The following CEP70 variants were observed in gnomAD, a reference collection of about 807,000 sequenced individuals.
The protein encoded by CEP70 is centrosomal protein of 70 kDa.
CEP70 carries 70 observed loss-of-function variants against 90.9 expected under a neutral mutation model. The ratio of observed to expected loss-of-function variants is 0.77; its 90% CI spans 0.64 to 0.94. CEP70 has a LOEUF of 0.94. Ranked by LOEUF, CEP70 falls within the 40% of genes least tolerant of loss-of-function variation. CEP70 has a pLI of 0.00. For synonymous variants in CEP70, 220 were observed against 228.3 expected (o/e 0.96, Z 0.33); for missense variants, 648 against 669.0 (o/e 0.97, Z 0.35).
intron 11 of CEP70, among the ~76,000 whole-genome samples, chr3:138,509,680 A>C (rs1171601231): frequency 2.0e-5 from 3 of 152,034 alleles, no homozygotes; most frequent in Non-Finnish European, 4.4e-5. Flanking sequence ...GTAATAAATA[A>C]GTTTTTTTAT....
chr3:138,521,046 G>A (rs571769070), intron 11 of CEP70, among the ~76,000 whole-genome samples: 95 of 152,318 alleles, frequency 6.2e-4, no homozygotes, highest in African/African-American at 2.0e-3. Context: ...CTGACCTCGA[G>A]TGATCTGCCT....
At chr3:138,533,017 C>T (rs1436038900) in intron 7 of CEP70, among the ~76,000 whole-genome samples, 4 of 152,138 alleles carry the variant, frequency 2.6e-5, no homozygotes, top group Non-Finnish European at 5.9e-5. Context: ...TGCAGTGGCT[C>T]AAGCCTGTAA....
chr3:138,505,749 G>A (rs1463606597), intron 12 of CEP70, among the ~76,000 whole-genome samples: 1 of 152,118 alleles, frequency 6.6e-6, no homozygotes, highest in Non-Finnish European at 1.5e-5. Flanking sequence ...TGAGTCTGAA[G>A]GCAAGAAAAA....
chr3:138,550,456 C>G (rs1009575955), intron 6 of CEP70, among the ~76,000 whole-genome samples: 36 of 152,126 alleles, frequency 2.4e-4, no homozygotes, highest in Non-Finnish European at 5.0e-4. Context: ...CTCCGCCTCC[C>G]AGGTTCAAGC....
At chr3:138,525,854 C>G (rs2037178075) in intron 10 of CEP70, among the ~76,000 whole-genome samples, 1 of 152,092 alleles carries the variant, frequency 6.6e-6, no homozygotes, top group South Asian at 2.1e-4. Context: ...TATAACAAAT[C>G]CTGGTGTATC....
chr3:138,572,714 T>A, intron 3 of CEP70, 145 bp downstream of exon 3: 1 of 674,310 alleles, frequency 1.5e-6, no homozygotes, highest in South Asian at 1.7e-5. Flanking sequence ...CTTAGAGTAA[T>A]TAAACCATTT....
chr3:138,518,946 C>T (rs530460083), intron 11 of CEP70, among the ~76,000 whole-genome samples: 7 of 152,152 alleles, frequency 4.6e-5, no homozygotes, highest in Admixed American at 2.0e-4. Context: ...AAAAATTAGA[C>T]GAATGACTAA....
At position 138,564,377 on chromosome 3, in the gene CEP70, T is replaced by C. The variant is rs368796294; in HGVS notation, c.465+5941A>G. Among the ~76,000 whole-genome samples the C allele has an allele frequency of 7.2e-5, 11 of 152,136 alleles. No homozygotes were observed. In the East Asian group the frequency reaches 9.6e-4, roughly 13 times the overall value. On this transcript the variant is annotated intron_variant, in intron 6 of 17. Coordinates refer to ENST00000264982, the MANE Select transcript of CEP70 (RefSeq NM_024491.4). ...CCAACATCATCCTGATACCAAAACC[T>C]GGCAGAGACACAACAAAAACAGAAA...
chr3:138,525,650 T>C (rs993776906), intron 10 of CEP70, 86 bp from the exon 11 acceptor site: 1 of 558,776 alleles, frequency 1.8e-6, no homozygotes, highest in Admixed American at 3.3e-5. Context: ...TACAAAACTT[T>C]GTTACTTGTC....
At chr3:138,566,153 G>A (rs140504556) in intron 6 of CEP70, among the ~76,000 whole-genome samples, 1,814 of 152,232 alleles carry the variant, frequency 0.012, 18 homozygotes, top group Non-Finnish European at 0.019. Flanking sequence ...TTAGAATGGC[G>A]ATCATTAAAA....
At chr3:138,537,696 T>C (rs149705103) in intron 6 of CEP70, among the ~76,000 whole-genome samples, 1 of 152,264 alleles carries the variant, frequency 6.6e-6, no homozygotes, top group Non-Finnish European at 1.5e-5. Flanking sequence ...TCAATATTAA[T>C]TGGGGATTGC....
At chr3:138,556,938 T>C (rs1186443147) in intron 6 of CEP70, among the ~76,000 whole-genome samples, 5 of 152,152 alleles carry the variant, frequency 3.3e-5, no homozygotes, top group Non-Finnish European at 5.9e-5. Context: ...AAGACAGGGT[T>C]TGAGAGCAAC....
At chr3:138,548,461 T>C (rs1228720868) in intron 6 of CEP70, among the ~76,000 whole-genome samples, 6 of 152,200 alleles carry the variant, frequency 3.9e-5, no homozygotes, top group African/African-American at 1.4e-4. Flanking sequence ...CTCCTTAAAC[T>C]AAGATCTTGG....
At chr3:138,571,470 T>C (rs2041171570) in intron 3 of CEP70, 114 bp from the exon 4 acceptor site, 2 of 702,388 alleles carry the variant, frequency 2.8e-6, no homozygotes, top group South Asian at 1.9e-5. Flanking sequence ...AAGTTTTAAG[T>C]ATAAATGTTT....
At chr3:138,533,675 T>C (rs1422305040) in intron 7 of CEP70, among the ~76,000 whole-genome samples, 4 of 152,150 alleles carry the variant, frequency 2.6e-5, no homozygotes, top group South Asian at 2.1e-4. Context: ...ACACACCAAA[T>C]TGTTAGGAGA....
At chr3:138,575,758 C>T (rs530266024) in intron 2 of CEP70, among the ~76,000 whole-genome samples, 4 of 151,844 alleles carry the variant, frequency 2.6e-5, no homozygotes, top group East Asian at 1.9e-4. Context: ...ATCTCTTGGC[C>T]GAAACCCTAC....
In CEP70 at chr3:138,534,901, C is replaced by T. The variant is rs186480721; in HGVS notation, c.635+2277G>A. On this transcript the variant is annotated intron_variant, in intron 7 of 17. Coordinates refer to ENST00000264982, the MANE Select transcript of CEP70 (RefSeq NM_024491.4). ...CTATAGCCAATTCGTCTGGACAACTCCTATCCATCTTTGCAGTGTCTCTCC... is the reference window on the plus strand; with the variant it reads ...CTATAGCCAATTCGTCTGGACAACTTCTATCCATCTTTGCAGTGTCTCTCC... Among the ~76,000 whole-genome samples the T allele has an allele frequency of 1.8e-3, 269 of 152,322 alleles. 1 individual carries two copies. Among genetic ancestry groups the T allele is most frequent in the Non-Finnish European group, 2.9e-3 (194 of 68,020 alleles).
chr3:138,587,666 G>A (rs763050571), intron 2 of CEP70, among the ~76,000 whole-genome samples: 3 of 151,124 alleles, frequency 2.0e-5, no homozygotes, highest in African/African-American at 7.3e-5. Flanking sequence ...TGTAGTCCTC[G>A]CTACTTAGGT....
Position 138,494,993 on chromosome 3 carries a change from G to T in CEP70, c.*22C>A. The T allele has an allele frequency of 7.9e-7, 1 of 1,270,226 alleles. No homozygotes were observed. The highest frequency in any genetic ancestry group is 1.1e-6 in the Non-Finnish European group (1 of 882,926). 78.7% of individuals were successfully genotyped at this position (1,270,226 alleles called of 1,614,324 possible). On this transcript the variant is annotated 3_prime_UTR_variant, in exon 18 of 18. Transcript: ENST00000264982. ...AAATGTTAAGAATACAATTTACACA[G>T]TAAAAATGATTTGATTTGTTTTCAG...
Sources: gnomAD v4.1 joint callset for allele counts (sites outside exome capture counted in the v4.1 genomes callset) on GRCh38, gnomAD v4.1.1 for gene constraint, MANE v1.5 for transcripts, NCBI Gene and HGNC (gene_info 2026-07-23, HGNC 2026-07-21) for gene names.